The following MIEF1 variants were observed in gnomAD, a reference collection of about 807,000 sequenced individuals.
MIEF1 encodes mitochondrial dynamics protein MIEF1.
A neutral mutation model predicts 35.1 loss-of-function variants in MIEF1; 14 were observed. That is an observed-to-expected ratio of 0.40 (90% CI 0.26 to 0.62). MIEF1 has a LOEUF of 0.62. Ranked by LOEUF, MIEF1 falls within the 20% of genes least tolerant of loss-of-function variation. The probability of loss-of-function intolerance (pLI) is 0.43; values close to 1 mark genes in which losing one functional copy is unlikely to be tolerated. For missense variants in MIEF1, 542 were observed against 615.4 expected, an observed-to-expected ratio of 0.88 and a Z score of 1.26; for synonymous variants, 245 against 254.3, an observed-to-expected ratio of 0.96 and a Z score of 0.35.
intron 1 of MIEF1, chr22:39,503,985 G>A (rs999524712): frequency 1.6e-5 from 6 of 365,418 alleles, no homozygotes; most frequent in African/African-American, 1.0e-4. Context: ...GTAAGTGGCA[G>A]GGCCAGGATT....
intron 2 of MIEF1, among the ~76,000 whole-genome samples, chr22:39,506,952 C>G (rs1041217654): frequency 1.3e-5 from 2 of 152,224 alleles, no homozygotes; most frequent in African/African-American, 2.4e-5. Flanking sequence ...CCCTTTTCAT[C>G]TGGCACATCT....
intron 2 of MIEF1, among the ~76,000 whole-genome samples, chr22:39,506,161 A>G (rs1027076947): frequency 6.6e-6 from 1 of 151,978 alleles, no homozygotes; most frequent in African/African-American, 2.4e-5. Context: ...TGCTATCACT[A>G]CCCCCTCAAA....
At chr22:39,511,467 G>C (rs77521606) in intron 3 of MIEF1, 29 bp downstream of exon 3, 2 of 1,524,014 alleles carry the variant, frequency 1.3e-6, no homozygotes, top group East Asian at 4.9e-5. Flanking sequence ...GGCTGGGGGT[G>C]GAATGTAGTG....
At chr22:39,501,905 G>A (rs1245161775), upstream of MIEF1, 3 of 152,628 alleles carry the variant, frequency 2.0e-5, no homozygotes. Context: ...GTTTTGAGGA[G>A]CTCTGAATAT....
chr22:39,511,319 G>T lies in MIEF1; in HGVS notation c.25G>T (p.Gly9Cys). 6.2e-7 allele frequency: 1 copy of T among 1,613,914 alleles called. No homozygotes were observed. Among genetic ancestry groups the T allele is most frequent in the Non-Finnish European group, 8.5e-7 (1 of 1,179,924 alleles). The stretch of plus-strand genomic sequence containing the variant: ...AATGGCAGGCGCTGGTGAGCGCAAA[G>T]GCAAGAAGGATGACAATGGCATTGG... MAGAGERK[G>C]KKDDNGIGTA... Residue 9 changes from glycine (G) to cysteine (C), a missense_variant, in exon 3 of 6, where the codon GGC becomes TGC. Coordinates refer to ENST00000325301, the MANE Select transcript of MIEF1 (RefSeq NM_019008.6).
At chr22:39,501,845 G>A (rs1929720611), upstream of MIEF1, 1 of 152,324 alleles carries the variant, frequency 6.6e-6, no homozygotes, top group South Asian at 2.1e-4. Flanking sequence ...TGGGGCCTGG[G>A]GAGTAGGAAC....
intron 2 of MIEF1, among the ~76,000 whole-genome samples, chr22:39,508,069 A>G (rs553552035): frequency 6.6e-6 from 1 of 152,180 alleles, no homozygotes; most frequent in Non-Finnish European, 1.5e-5. Flanking sequence ...GCACTTTTAC[A>G]GTTTATAGAC....
Position 39,512,573 on chromosome 22 carries a change from G to C in MIEF1, c.585+79G>C, listed in dbSNP as rs1390521971. ...TTGTTGGCACAGATCAGTGTCCCAG[G>C]CTTGCCAGAAAGACTGAGGTCTTAC... On this transcript the variant is annotated intron_variant, in intron 5 of 5. Coordinates refer to ENST00000325301, the MANE Select transcript of MIEF1 (RefSeq NM_019008.6). The C allele has an allele frequency of 5.9e-6, 9 of 1,513,136 alleles. No individual in the cohort carries two copies. The East Asian group carries it at 1.4e-4, about 23-fold the overall frequency. 93.7% of individuals were successfully genotyped at this position (1,513,136 alleles called of 1,614,324 possible).
At position 39,504,188 on chromosome 22, in the gene MIEF1, T is replaced by C; in HGVS notation, c.-339-15T>C. 1 of 399,064 alleles carries C rather than the reference T, an allele frequency of 2.5e-6. No homozygotes were observed. Among genetic ancestry groups the C allele is most frequent in the Admixed American group, 4.4e-5 (1 of 22,738 alleles). The allele number at this position is 399,064 out of a possible 1,614,324, so 24.7% of individuals were successfully genotyped here. ...TTCTGATACTAGGCTTGTATGTCTT[T>C]CCTTCTGTTTATAGTGTGACACCCA... On this transcript the variant is annotated splice_polypyrimidine_tract_variant and intron_variant, in intron 1 of 5. Coordinates refer to ENST00000325301, the MANE Select transcript of MIEF1 (RefSeq NM_019008.6).
chr22:39,515,291 G>A lies in MIEF1; in HGVS notation c.*968G>A, dbSNP rs890825964. The stretch of plus-strand genomic sequence containing the variant: ...GTGAGGATGATGGAGGTAGACAGTC[G>A]ACTGAATGTCAGCTGGAAAATCCAG... On this transcript the variant is annotated 3_prime_UTR_variant, in exon 6 of 6. Transcript: ENST00000325301. 1.5e-5 allele frequency: 11 copies of A among 717,428 alleles called. No homozygotes were observed. Among genetic ancestry groups the A allele is most frequent in the South Asian group, 5.9e-5 (4 of 67,600 alleles). The allele number at this position is 717,428 out of a possible 1,614,324, so 44.4% of individuals were successfully genotyped here.
In MIEF1 at chr22:39,504,435, A is replaced by T. The variant is rs994278532; in HGVS notation, c.-107A>T. 7.5e-6 allele frequency: 3 copies of T among 398,832 alleles called. No homozygotes were observed. Among genetic ancestry groups the T allele is most frequent in the African/African-American group, 6.2e-5 (3 of 48,598 alleles). 24.7% of individuals were successfully genotyped at this position (398,832 alleles called of 1,614,324 possible). Reference sequence around the variant, plus strand: ...CTTTCTCAACGGCAAATTGGGGAGGATCATTTAGGATCCTCCAAGGGAAAG... The same window carrying T: ...CTTTCTCAACGGCAAATTGGGGAGGTTCATTTAGGATCCTCCAAGGGAAAG... On this transcript the variant is annotated 5_prime_UTR_variant, in exon 2 of 6. Coordinates refer to ENST00000325301, the MANE Select transcript of MIEF1 (RefSeq NM_019008.6).
chr22:39,511,915 T>C lies in MIEF1; in HGVS notation c.211T>C (p.Trp71Arg), dbSNP rs767948904. Residue 71 changes from tryptophan to arginine, a missense_variant, in exon 4 of 6, where the codon TGG (tryptophan) becomes CGG (arginine). By Grantham distance (101) the Trp-to-Arg change is moderately radical (BLOSUM62 -3). Coordinates refer to ENST00000325301, the MANE Select transcript of MIEF1 (RefSeq NM_019008.6). The stretch of plus-strand genomic sequence containing the variant: ...CCTGAGCCATTCGGGGAAAAGGAGC[T>C]GGGAAGAACCCAACTGGATGGGCTC... Reference protein sequence around the residue: ...TRLSHSGKRSWEEPNWMGSPR... With the variant: ...TRLSHSGKRSREEPNWMGSPR... 5.6e-6 allele frequency: 9 copies of C among 1,614,114 alleles called. No individual in the cohort carries two copies. The highest frequency in any genetic ancestry group is 1.7e-6 in the Non-Finnish European group (2 of 1,180,046).
rs767214861 is a variant in MIEF1 at position 39,512,356 on chromosome 22, C to T, written c.447C>T (p.Ile149=). Residue 149 remains isoleucine (I), a synonymous_variant, in exon 5 of 6, where the codon ATC becomes ATT. Transcript: ENST00000325301. ...LLTYYRNRAA[I]PAGEQARAKQ... ...CTTACTACCGGAACCGGGCAGCCAT[C>T]CCTGCTGGAGAGCAGGCTCGGGCCA... 4 of 1,614,130 alleles carry T rather than the reference C, an allele frequency of 2.5e-6. No individual in the cohort carries two copies. The highest frequency in any genetic ancestry group is 1.7e-5 in the Admixed American group (1 of 60,016).
Position 39,513,999 on chromosome 22 carries a change from C to T in MIEF1, c.1068C>T (p.Asp356=). ...GCCTGCGGGCTCTGGACCAGGCTGA[C>T]TCGGGCTGCCGATCTCTGTGCCTCA... ...TARLRALDQA[D]SGCRSLCLKI... is the part of the protein sequence containing the mutation. The change falls in exon 6 of 6, where the codon GAC becomes GAT. Residue 356 remains aspartate, a synonymous_variant. Transcript: ENST00000325301. 2 of 1,613,324 alleles carry T rather than the reference C, an allele frequency of 1.2e-6. No individual in the cohort carries two copies.
rs1930400235 is a variant in MIEF1 at position 39,512,464 on chromosome 22, C to T, written c.555C>T (p.Tyr185=). 7 of 1,613,570 alleles carry T rather than the reference C, an allele frequency of 4.3e-6. No individual in the cohort carries two copies. The highest frequency in any genetic ancestry group is 5.9e-6 in the Non-Finnish European group (7 of 1,179,674). ...KLPDMPLRDM[Y]LSGSLYDDLQ... ...CTGACATGCCGCTTCGGGACATGTACTTGAGTGGCAGCCTCTACGATGACC... is the reference window on the plus strand; with the variant it reads ...CTGACATGCCGCTTCGGGACATGTATTTGAGTGGCAGCCTCTACGATGACC... Residue 185 remains tyrosine, a synonymous_variant, in exon 5 of 6, where the codon TAC becomes TAT. Transcript: ENST00000325301.
Position 39,514,013 on chromosome 22 carries a change from C to A in MIEF1, c.1082C>A (p.Ser361Tyr). 6.2e-7 allele frequency: 1 copy of A among 1,613,604 alleles called. No homozygotes were observed. The highest frequency in any genetic ancestry group is 8.5e-7 in the Non-Finnish European group (1 of 1,180,040). Residue 361 changes from serine (S) to tyrosine (Y), a missense_variant, in exon 6 of 6, where the codon TCT becomes TAT. Coordinates refer to ENST00000325301, the MANE Select transcript of MIEF1 (RefSeq NM_019008.6). Reference protein sequence around the residue: ...ALDQADSGCRSLCLKILKAIC... With the variant: ...ALDQADSGCRYLCLKILKAIC... ...GACCAGGCTGACTCGGGCTGCCGAT[C>A]TCTGTGCCTCAAGATCCTCAAGGCC...
chr22:39,517,836 C>CCTG lies in MIEF1; in HGVS notation c.*3513_*3514insCTG. 3.5e-6 allele frequency: 1 copy of CCTG among 284,458 alleles called. No individual in the cohort carries two copies. The highest frequency in any genetic ancestry group is 7.0e-6 in the Non-Finnish European group (1 of 141,964). The allele number at this position is 284,458 out of a possible 1,614,324, so 17.6% of individuals were successfully genotyped here. On this transcript the variant is annotated 3_prime_UTR_variant, in exon 6 of 6. Transcript: ENST00000325301. Reference sequence around the variant, plus strand: ...GGTCAAATGCACAGTAGGTGTTTACCTTTACATTTGGATCACCTTGTAGTC... The same window carrying CCTG: ...GGTCAAATGCACAGTAGGTGTTTACCCTGTTTACATTTGGATCACCTTGTAGTC...
At chr22:39,502,956 C>T (rs1158466537) in intron 1 of MIEF1, 1 of 152,136 alleles carries the variant, frequency 6.6e-6, no homozygotes, top group Non-Finnish European at 1.5e-5. Context: ...GGCCCAAAGT[C>T]CAATCTTTTT....
rs1367978271 is a variant in MIEF1, at chr22:39,513,768, A to G, written c.837A>G (p.Ile279Met). 6.2e-7 allele frequency: 1 copy of G among 1,614,130 alleles called. No homozygotes were observed. The highest frequency in any genetic ancestry group is 8.5e-7 in the Non-Finnish European group (1 of 1,180,024). Residue 279 changes from isoleucine (I) to methionine (M), a missense_variant, in exon 6 of 6, where the codon ATA becomes ATG. Physicochemically the swap from Ile to Met is conservative, Grantham distance 10. Transcript: ENST00000325301. Reference sequence around the variant, plus strand: ...CTGGCTCCATCAATTGGCCAGCCATAGGGTCCCTCTTGGACTATGTGATCC... The same window carrying G: ...CTGGCTCCATCAATTGGCCAGCCATGGGGTCCCTCTTGGACTATGTGATCC... Reference protein sequence around the residue: ...VVAGSINWPAIGSLLDYVIRP... With the variant: ...VVAGSINWPAMGSLLDYVIRP...
Sources: gnomAD v4.1 joint callset for allele counts (sites outside exome capture counted in the v4.1 genomes callset) on GRCh38, gnomAD v4.1.1 for gene constraint, MANE v1.5 for transcripts, NCBI Gene and HGNC (gene_info 2026-07-23, HGNC 2026-07-21) for gene names.